The following UBE2G1 variants were observed in gnomAD, a reference collection of about 807,000 sequenced individuals.
UBE2G1 encodes the protein ubiquitin conjugating enzyme E2 G1.
UBE2G1 carries 5 observed loss-of-function variants against 22.7 expected under a neutral mutation model. The ratio of observed to expected loss-of-function variants is 0.22; its 90% CI spans 0.12 to 0.46. The LOEUF is 0.46. Ranked by LOEUF, UBE2G1 falls within the 20% of genes least tolerant of loss-of-function variation. UBE2G1 has a pLI of 0.99. For missense variants in UBE2G1, 88 were observed against 203.9 expected, an observed-to-expected ratio of 0.43 and a Z score of 3.46; for synonymous variants, 74 against 67.5, an observed-to-expected ratio of 1.10 and a Z score of -0.47.
rs934378729 is a variant in UBE2G1, at chr17:4,366,638, C to A, written c.-322G>T. The A allele has an allele frequency of 2.1e-5, 6 of 281,962 alleles. No homozygotes were observed. The highest frequency in any genetic ancestry group is 3.3e-5 in the Non-Finnish European group (5 of 149,676). The allele number at this position is 281,962 out of a possible 1,614,324, so 17.5% of individuals were successfully genotyped here. A position where few individuals can be genotyped will look rare whatever the true frequency, so the allele number is the denominator to read the frequency against. On this transcript the variant is annotated 5_prime_UTR_variant, in exon 1 of 6. Coordinates refer to ENST00000396981, the MANE Select transcript of UBE2G1 (RefSeq NM_003342.5). ...GGTGCCTTCCCCCGCCACTGCCTCA[C>A]TGCGCGCAGGGCCGCTCGGCGCAGG...
At chr17:4,309,047 G>C (rs1047037377) in intron 1 of UBE2G1, among the ~76,000 whole-genome samples, 1 of 152,172 alleles carries the variant, frequency 6.6e-6, no homozygotes, top group South Asian at 2.1e-4. Flanking sequence ...ATCACTTGAG[G>C]TCAGGAGTTC....
At chr17:4,362,777 G>T (rs1023791705) in intron 1 of UBE2G1, among the ~76,000 whole-genome samples, 1 of 152,238 alleles carries the variant, frequency 6.6e-6, no homozygotes, top group Non-Finnish European at 1.5e-5. Flanking sequence ...CAGCAGAATC[G>T]CTTGAACCTG....
chr17:4,279,330 G>A (rs1244747484), intron 5 of UBE2G1, among the ~76,000 whole-genome samples: 1 of 151,498 alleles, frequency 6.6e-6, no homozygotes, highest in African/African-American at 2.4e-5. Flanking sequence ...CTGATGTGTT[G>A]GAAATCTGAT....
intron 2 of UBE2G1, chr17:4,302,272 TGGATGACACGG>T (rs1410261099): frequency 1.5e-5 from 7 of 470,306 alleles, no homozygotes; most frequent in Non-Finnish European, 3.0e-5. Flanking sequence ...GGGCTCCCAG[TGGATGACACGG>T]GGAAGAACAG....
intron 1 of UBE2G1, among the ~76,000 whole-genome samples, chr17:4,331,099 G>A (rs917533981): frequency 6.6e-6 from 1 of 151,458 alleles, no homozygotes; most frequent in Admixed American, 6.6e-5. Context: ...TAAAGTTCCT[G>A]GTGGTATGAA....
chr17:4,309,909 A>G (rs1969289481), intron 1 of UBE2G1, among the ~76,000 whole-genome samples: 1 of 152,168 alleles, frequency 6.6e-6, no homozygotes, highest in African/African-American at 2.4e-5. Context: ...CTCTTGTCAA[A>G]ACCCCCAAGT....
At chr17:4,351,719 T>C (rs1052083451) in intron 1 of UBE2G1, among the ~76,000 whole-genome samples, 1 of 152,136 alleles carries the variant, frequency 6.6e-6, no homozygotes, top group Non-Finnish European at 1.5e-5. Context: ...CCTTACGCAC[T>C]GCTAAATACA....
intron 1 of UBE2G1, among the ~76,000 whole-genome samples, chr17:4,349,185 T>A (rs1969815342): frequency 6.6e-6 from 1 of 152,044 alleles, no homozygotes; most frequent in African/African-American, 2.4e-5. Flanking sequence ...CCAGATGTCG[T>A]GGCGCATGCG....
chr17:4,326,257 A>G (rs552379461), intron 1 of UBE2G1, among the ~76,000 whole-genome samples: 1 of 152,326 alleles, frequency 6.6e-6, no homozygotes, highest in South Asian at 2.1e-4. Flanking sequence ...CAAGAAAACC[A>G]ATGCAAAAAT....
intron 1 of UBE2G1, among the ~76,000 whole-genome samples, chr17:4,355,642 C>CA (rs57087475): frequency 0.042 from 4,299 of 101,842 alleles, 257 homozygotes; most frequent in African/African-American, 0.14. Flanking sequence ...AACTCCATCT[C>CA]AAAAAAAAAA....
intron 1 of UBE2G1, among the ~76,000 whole-genome samples, chr17:4,328,966 C>T (rs1312361692): frequency 2.0e-5 from 3 of 151,878 alleles, no homozygotes; most frequent in Non-Finnish European, 1.5e-5. Flanking sequence ...ATTAGCCAGG[C>T]GTGGTGGCGG....
At chr17:4,364,492 G>A (rs1239472050) in intron 1 of UBE2G1, 4 of 150,826 alleles carry the variant, frequency 2.7e-5, no homozygotes, top group African/African-American at 9.7e-5. Context: ...GTTTCCCCGT[G>A]TTAGCCAGGA....
chr17:4,302,337 A>G (rs956973999), intron 2 of UBE2G1: 5 of 481,690 alleles, frequency 1.0e-5, no homozygotes, highest in South Asian at 3.2e-5. Context: ...TGTGTCCCAC[A>G]TGATGCTGGC....
At chr17:4,338,455 A>G (rs1346612052) in intron 1 of UBE2G1, among the ~76,000 whole-genome samples, 3 of 152,220 alleles carry the variant, frequency 2.0e-5, no homozygotes, top group African/African-American at 7.2e-5. Flanking sequence ...GAAGATTCGC[A>G]TAAGTTACAC....
At chr17:4,359,867 A>C (rs201683667) in intron 1 of UBE2G1, among the ~76,000 whole-genome samples, 38 of 60,512 alleles carry the variant, frequency 6.3e-4, no homozygotes, top group African/African-American at 3.6e-3. Flanking sequence ...AAAAAAAAAA[A>C]CAAACAAAAA....
intron 1 of UBE2G1, among the ~76,000 whole-genome samples, chr17:4,317,060 GAT>G (rs1236065394): frequency 5.3e-5 from 8 of 151,828 alleles, no homozygotes. Context: ...GCACTATAGT[GAT>G]ACCCTGTCCA....
chr17:4,354,626 A>G (rs1969883976), intron 1 of UBE2G1, among the ~76,000 whole-genome samples: 1 of 152,146 alleles, frequency 6.6e-6, no homozygotes, highest in African/African-American at 2.4e-5. Context: ...GGAGGGTTAG[A>G]TTGGAGAAAT....
At chr17:4,353,511 T>C (rs1969870703) in intron 1 of UBE2G1, among the ~76,000 whole-genome samples, 3 of 151,582 alleles carry the variant, frequency 2.0e-5, no homozygotes, top group Non-Finnish European at 4.4e-5. Context: ...CAGCATTTTT[T>C]TTTTTTTAGA....
chr17:4,343,339 C>T (rs530003131), intron 1 of UBE2G1, among the ~76,000 whole-genome samples: 1 of 152,164 alleles, frequency 6.6e-6, no homozygotes, highest in Admixed American at 6.5e-5. Flanking sequence ...CGCCTGTAAT[C>T]CCAGCACTTT....
Sources: gnomAD v4.1 joint callset for allele counts (sites outside exome capture counted in the v4.1 genomes callset) on GRCh38, gnomAD v4.1.1 for gene constraint, MANE v1.5 for transcripts, NCBI Gene and HGNC (gene_info 2026-07-23, HGNC 2026-07-21) for gene names.